RNF130: variants seen among roughly 807,000 people sequenced by gnomAD.
The protein encoded by RNF130 is ring finger protein 130.
RNF130 carries 21 observed loss-of-function variants against 44.6 expected under a neutral mutation model. The ratio of observed to expected loss-of-function variants is 0.47; its 90% CI spans 0.33 to 0.68. The LOEUF is 0.68. Ranked by LOEUF, RNF130 falls within the 30% of genes least tolerant of loss-of-function variation. The pLI, the probability that RNF130 is intolerant of heterozygous loss-of-function variation, is 0.02. For missense variants in RNF130, 479 were observed against 560.6 expected (o/e 0.85, Z 1.47); for synonymous variants, 214 against 210.4 (o/e 1.02, Z -0.15).
chr5:179,930,106 A>G (rs58271600), intron 7 of RNF130, among the ~76,000 whole-genome samples: 2,009 of 152,124 alleles, frequency 0.013, 40 homozygotes, highest in African/African-American at 0.044. Context: ...CGCCCAGGCT[A>G]GAGTGCAATG....
chr5:180,036,951 GTA>G (rs974518374), intron 2 of RNF130, among the ~76,000 whole-genome samples: 6 of 152,068 alleles, frequency 3.9e-5, no homozygotes, highest in Non-Finnish European at 7.4e-5. Context: ...TTAATCTTAT[GTA>G]TGTTTTTCTT....
At chr5:180,012,327 C>T (rs1763611790) in intron 3 of RNF130, among the ~76,000 whole-genome samples, 1 of 152,204 alleles carries the variant, frequency 6.6e-6, no homozygotes. Flanking sequence ...AAGCAAGTCA[C>T]TTCTTAGTTT....
At chr5:179,945,921 A>AG (rs11424965) in intron 7 of RNF130, among the ~76,000 whole-genome samples, 145,825 of 146,078 alleles carry the variant, frequency 1, 72,786 homozygotes, top group Middle Eastern at 1. Flanking sequence ...AGGCGGGGGC[A>AG]GGGATATTTA....
intron 1 of RNF130, among the ~76,000 whole-genome samples, chr5:180,042,923 C>A (rs1764459604): frequency 6.6e-6 from 1 of 152,230 alleles, no homozygotes; most frequent in South Asian, 2.1e-4. Context: ...AGCTGTGTAA[C>A]TATCACAGGT....
chr5:180,045,177 T>C (rs750469884), intron 1 of RNF130, among the ~76,000 whole-genome samples: 1 of 152,186 alleles, frequency 6.6e-6, no homozygotes, highest in African/African-American at 2.4e-5. Flanking sequence ...TCATTTGCAA[T>C]GAGAGAAGGA....
At chr5:180,011,775 A>G (rs569783089) in intron 3 of RNF130, among the ~76,000 whole-genome samples, 175 of 152,220 alleles carry the variant, frequency 1.1e-3, no homozygotes, top group Non-Finnish European at 1.9e-3. Context: ...TTAAAAAAAA[A>G]AAAGTTTTTT....
At chr5:179,980,031 G>T in intron 4 of RNF130, 98 bp downstream of exon 4, 1 of 952,850 alleles carries the variant, frequency 1.0e-6, no homozygotes, top group Non-Finnish European at 1.7e-6. Context: ...AAAATCTAAC[G>T]AATGAAATGT....
In RNF130 at chr5:180,023,676, T is replaced by C. The variant is rs1043358139; in HGVS notation, c.443-10365A>G. Among the ~76,000 whole-genome samples the C allele has an allele frequency of 2.0e-5, 3 of 152,018 alleles. No individual in the cohort carries two copies. The South Asian group carries it at 6.2e-4, about 32-fold the overall frequency. On this transcript the variant is annotated intron_variant, in intron 2 of 8. Transcript: ENST00000521389. ...AGTTGTACTGTACTATAATCCAGAG[T>C]GTAAAATAAATACCCATGGGTCCAT...
chr5:179,957,313 G>A (rs1245752800), intron 8 of RNF130, among the ~76,000 whole-genome samples: 1 of 152,180 alleles, frequency 6.6e-6, no homozygotes, highest in Non-Finnish European at 1.5e-5. Context: ...TCGGGAAGCT[G>A]AGACAGAAGA....
intron 7 of RNF130, among the ~76,000 whole-genome samples, chr5:179,949,652 C>T (rs1392550077): frequency 6.6e-6 from 1 of 152,122 alleles, no homozygotes; most frequent in East Asian, 1.9e-4. Context: ...TTATACATTG[C>T]TTCTATTTGT....
intron 1 of RNF130, among the ~76,000 whole-genome samples, chr5:180,067,607 T>C (rs985449650): frequency 9.9e-5 from 15 of 152,206 alleles, no homozygotes; most frequent in Admixed American, 7.2e-4. Context: ...TGTAAAAACA[T>C]GTCATAAGCT....
chr5:179,994,189 T>C (rs1400400440), intron 3 of RNF130, among the ~76,000 whole-genome samples: 1 of 151,688 alleles, frequency 6.6e-6, no homozygotes, highest in African/African-American at 2.4e-5. Context: ...TTTTGGCTTA[T>C]GCGGGCTCTT....
chr5:179,965,850 T>G (rs1436196123), intron 7 of RNF130, among the ~76,000 whole-genome samples: 1 of 152,184 alleles, frequency 6.6e-6, no homozygotes, highest in African/African-American at 2.4e-5. Context: ...AATACTTTGA[T>G]TGAACAGACC....
At chr5:179,990,276 A>G (rs529716189) in intron 3 of RNF130, among the ~76,000 whole-genome samples, 45 of 152,228 alleles carry the variant, frequency 3.0e-4, no homozygotes, top group African/African-American at 1.1e-3. Flanking sequence ...TCACATGTCC[A>G]CTGGACAGGG....
intron 8 of RNF130, among the ~76,000 whole-genome samples, chr5:179,961,182 A>G (rs1353193905): frequency 6.6e-6 from 1 of 152,116 alleles, no homozygotes; most frequent in African/African-American, 2.4e-5. Flanking sequence ...AAGTAAGATA[A>G]TCACCACATT....
chr5:180,070,987 C>G (rs1048368749), intron 1 of RNF130, among the ~76,000 whole-genome samples: 1 of 151,696 alleles, frequency 6.6e-6, no homozygotes, highest in African/African-American at 2.4e-5. Context: ...TTACACCCCC[C>G]CCCCAATTTA....
intron 7 of RNF130, among the ~76,000 whole-genome samples, chr5:179,964,832 C>A (rs1222709649): frequency 6.6e-6 from 1 of 152,170 alleles, no homozygotes; most frequent in Admixed American, 6.5e-5. Flanking sequence ...ACCAGTGCAG[C>A]CACGGCCTCT....
At chr5:180,053,491 A>G (rs1287335497) in intron 1 of RNF130, among the ~76,000 whole-genome samples, 1 of 152,232 alleles carries the variant, frequency 6.6e-6, no homozygotes, top group Non-Finnish European at 1.5e-5. Flanking sequence ...GGAGGACTCA[A>G]ACAAAACCTG....
intron 1 of RNF130, among the ~76,000 whole-genome samples, chr5:180,053,807 T>TA (rs1764740877): frequency 6.8e-6 from 1 of 147,730 alleles, no homozygotes; most frequent in Admixed American, 7.0e-5. Context: ...GCAGAGACTG[T>TA]AAAAAAGCAA....
Sources: allele counts gnomAD v4.1 joint callset (sites outside exome capture counted in the v4.1 genomes callset), GRCh38; gene constraint gnomAD v4.1.1; transcripts MANE v1.5; gene names NCBI Gene and HGNC (gene_info 2026-07-23, HGNC 2026-07-21).